IARS2: variants seen among roughly 807,000 people sequenced by gnomAD.
The protein encoded by IARS2 is isoleucyl-tRNA synthetase 2, mitochondrial.
Under a neutral mutation model 126.3 loss-of-function variants are expected in IARS2, and 56 were observed. The observed-to-expected ratio is 0.44, with a 90% CI of 0.36 to 0.55. The LOEUF (loss-of-function observed/expected upper bound fraction) is 0.55. Among genes scored for constraint, IARS2 ranks in the 20% least tolerant of loss-of-function variants. The pLI, the probability that IARS2 is intolerant of heterozygous loss-of-function variation, is 0.00. For synonymous variants in IARS2, 407 were observed against 441.1 expected (o/e 0.92, Z 0.97); for missense variants, 1,127 against 1,245.9 (o/e 0.90, Z 1.44).
chr1:220,112,749 G>C (rs1458534765), intron 11 of IARS2, among the ~76,000 whole-genome samples: 2 of 151,892 alleles, frequency 1.3e-5, no homozygotes, highest in Non-Finnish European at 2.9e-5. Context: ...TCTAGAGATA[G>C]GGTTTTGTCA....
At position 220,139,089 on chromosome 1, in the gene IARS2, T is replaced by C; in HGVS notation, c.2257T>C (p.Tyr753His). 6.2e-7 allele frequency: 1 copy of C among 1,613,068 alleles called. No homozygotes were observed. Residue 753 changes from tyrosine (Y) to histidine (H), a missense_variant, in exon 18 of 23, where the codon TAT becomes CAT. Coordinates refer to ENST00000366922, the MANE Select transcript of IARS2 (RefSeq NM_018060.4). ...ETDSIPVNDMYVIDQYMLHLL... is the reference protein window; with the variant it reads ...ETDSIPVNDMHVIDQYMLHLL... ...AGATTCCATCCCTGTAAACGATATG[T>C]ATGTCATAGACCAGTACATGCTACA...
At chr1:220,094,745 G>A (rs1029003591) in intron 1 of IARS2, among the ~76,000 whole-genome samples, 13 of 152,222 alleles carry the variant, frequency 8.5e-5, no homozygotes, top group African/African-American at 3.1e-4. Context: ...TTACCAGCAT[G>A]TATCGCACGT....
At chr1:220,123,905 A>G (rs1657102067) in intron 12 of IARS2, among the ~76,000 whole-genome samples, 1 of 152,254 alleles carries the variant, frequency 6.6e-6, no homozygotes, top group South Asian at 2.1e-4. Context: ...TAATGCTTAC[A>G]TAGTATTTAT....
chr1:220,100,444 C>T, intron 2 of IARS2, 46 bp from the exon 3 acceptor site: 1 of 1,431,074 alleles, frequency 7.0e-7, no homozygotes, highest in South Asian at 1.4e-5. Context: ...AAATACATGG[C>T]CAAATATTTT....
chr1:220,126,546 T>C (rs986660652), intron 13 of IARS2, among the ~76,000 whole-genome samples: 4 of 152,234 alleles, frequency 2.6e-5, no homozygotes, highest in African/African-American at 7.2e-5. Flanking sequence ...TTGGTAAATA[T>C]GTAATTCAGT....
Position 220,103,464 on chromosome 1 carries a change from G to A in IARS2, c.968G>A (p.Cys323Tyr), listed in dbSNP as rs1479748810. ...TATGTTAGGTATGCTGTTGTGAAATGTTCTAAGTCTGGAGACCTCTACGTA... is the reference window on the plus strand; with the variant it reads ...TATGTTAGGTATGCTGTTGTGAAATATTCTAAGTCTGGAGACCTCTACGTA... The part of the protein sequence containing the change: ...MPESKYAVVK[C>Y]SKSGDLYVLA... The change falls in exon 8 of 23, where the codon TGT becomes TAT. Residue 323 changes from cysteine to tyrosine, a missense_variant. Coordinates refer to ENST00000366922, the MANE Select transcript of IARS2 (RefSeq NM_018060.4). The A allele has an allele frequency of 1.2e-6, 2 of 1,608,092 alleles. No individual in the cohort carries two copies. Among genetic ancestry groups the A allele is most frequent in the East Asian group, 2.2e-5 (1 of 44,812 alleles).
chr1:220,135,270 G>A (rs1657348513), intron 15 of IARS2, among the ~76,000 whole-genome samples: 1 of 152,184 alleles, frequency 6.6e-6, no homozygotes, highest in Non-Finnish European at 1.5e-5. Context: ...TTTCAAACGT[G>A]TGGGTGAAAG....
At chr1:220,128,473 C>G (rs1353412427) in intron 14 of IARS2, among the ~76,000 whole-genome samples, 2 of 152,170 alleles carry the variant, frequency 1.3e-5, no homozygotes, top group Non-Finnish European at 2.9e-5. Flanking sequence ...AGAGTAGGCT[C>G]TCCCATTGAG....
intron 2 of IARS2, among the ~76,000 whole-genome samples, chr1:220,097,045 CAAA>C (rs772161383): frequency 9.7e-6 from 1 of 102,806 alleles, no homozygotes; most frequent in Non-Finnish European, 2.1e-5. Context: ...GATTCCGTCT[CAAA>C]AAAAAAAAAA....
chr1:220,111,598 A>ATATGTGTG (rs374024744), intron 11 of IARS2, among the ~76,000 whole-genome samples: 243 of 134,850 alleles, frequency 1.8e-3, no homozygotes, highest in East Asian at 6.6e-3. Context: ...ATATATATAT[A>ATATGTGTG]TGTGTGTGTG....
chr1:220,137,678 G>C (rs1657402897), intron 16 of IARS2: 2 of 432,358 alleles, frequency 4.6e-6, no homozygotes, highest in East Asian at 8.0e-5. Flanking sequence ...CCAGGGAAGA[G>C]ATTAGGTATG....
At chr1:220,102,834 A>G (rs1309800573) in intron 7 of IARS2, 57 bp downstream of exon 7, 2 of 933,880 alleles carry the variant, frequency 2.1e-6, no homozygotes, top group Non-Finnish European at 3.5e-6. Context: ...TTCCATTATT[A>G]ACATTATTTT....
intron 12 of IARS2, among the ~76,000 whole-genome samples, chr1:220,115,877 G>T (rs1656901916): frequency 6.6e-6 from 1 of 152,112 alleles, no homozygotes; most frequent in African/African-American, 2.4e-5. Context: ...AAACTACTTG[G>T]TGTAAAGCAC....
At chr1:220,128,023 G>A (rs1396188626) in intron 14 of IARS2, among the ~76,000 whole-genome samples, 1 of 152,144 alleles carries the variant, frequency 6.6e-6, no homozygotes, top group Admixed American at 6.5e-5. Flanking sequence ...CATATATGAT[G>A]ATGGCCCCAC....
chr1:220,134,488 G>C lies in IARS2; in HGVS notation c.1924G>C (p.Ala642Pro). Residue 642 changes from alanine (A) to proline (P), a missense_variant, in exon 15 of 23, where the codon GCA becomes CCA. Coordinates refer to ENST00000366922, the MANE Select transcript of IARS2 (RefSeq NM_018060.4). ...GTCATCCTTATTAACAAGTGTGGCA[G>C]CAAGGAAGAGAGCACCTTATAAGTA... ...FQSSLLTSVA[A>P]RKRAPYKTVI... The C allele has an allele frequency of 6.2e-7, 1 of 1,612,034 alleles. No individual in the cohort carries two copies. Among genetic ancestry groups the C allele is most frequent in the Non-Finnish European group, 8.5e-7 (1 of 1,179,038 alleles).
At chr1:220,120,748 G>T (rs1657032789) in intron 12 of IARS2, among the ~76,000 whole-genome samples, 1 of 151,974 alleles carries the variant, frequency 6.6e-6, no homozygotes, top group South Asian at 2.1e-4. Context: ...TATGCATTGT[G>T]GAATGGCTAA....
intron 3 of IARS2, among the ~76,000 whole-genome samples, chr1:220,101,619 T>C (rs1222570844): frequency 6.7e-6 from 1 of 150,356 alleles, no homozygotes; most frequent in Non-Finnish European, 1.5e-5. Context: ...CGAGAATTGC[T>C]TGAACCTGTG....
chr1:220,144,278 C>T lies in IARS2; in HGVS notation c.2751+1144C>T. On this transcript the variant is annotated intron_variant, in intron 21 of 22. Transcript: ENST00000366922. Reference sequence around the variant, plus strand: ...ACTTTGGAGCACGGCCTAATAAGCACCTGGCTTTTGCCTCTCTTTTTGGCA... The same window carrying T: ...ACTTTGGAGCACGGCCTAATAAGCATCTGGCTTTTGCCTCTCTTTTTGGCA... The T allele has an allele frequency of 7.9e-6, 6 of 762,648 alleles. No individual in the cohort carries two copies. The South Asian group carries it at 8.1e-5, about 10-fold the overall frequency. The allele number at this position is 762,648 out of a possible 1,614,324, so 47.2% of individuals were successfully genotyped here.
chr1:220,101,516 A>T (rs940569590), intron 3 of IARS2, among the ~76,000 whole-genome samples: 1 of 152,012 alleles, frequency 6.6e-6, no homozygotes, highest in African/African-American at 2.4e-5. Context: ...CCTGGCCAAC[A>T]TGGCAAAACC....
Sources: gnomAD v4.1 joint callset for allele counts (sites outside exome capture counted in the v4.1 genomes callset) on GRCh38, gnomAD v4.1.1 for gene constraint, MANE v1.5 for transcripts, NCBI Gene and HGNC (gene_info 2026-07-23, HGNC 2026-07-21) for gene names.